Variants in SEC63 observed in about 807,000 individuals in gnomAD.
The protein encoded by SEC63 is translocation protein SEC63 homolog.
In SEC63, 56 loss-of-function variants were observed where a neutral mutation model predicts 116.2. That is an observed-to-expected ratio of 0.48 (90% CI 0.39 to 0.60). SEC63 has a LOEUF of 0.60. Among genes scored for constraint, SEC63 ranks in the 20% least tolerant of loss-of-function variants. The pLI, the probability that SEC63 is intolerant of heterozygous loss-of-function variation, is 0.00. For synonymous variants in SEC63, 273 were observed against 294.6 expected (o/e 0.93, Z 0.75); for missense variants, 668 against 900.0 (o/e 0.74, Z 3.30).
In SEC63 at chr6:107,871,392, C is replaced by G. The variant is rs1263447612; in HGVS notation, c.*312G>C. ...TGTGTTTCCTGCATCTTTACTTTTA[C>G]TGGGACCATAGACTGATCAGATAAT... On this transcript the variant is annotated 3_prime_UTR_variant, in exon 21 of 21. Coordinates refer to ENST00000369002, the MANE Select transcript of SEC63 (RefSeq NM_007214.5). The G allele has an allele frequency of 3.5e-6, 1 of 284,064 alleles. No homozygotes were observed. Among genetic ancestry groups the G allele is most frequent in the Non-Finnish European group, 6.8e-6 (1 of 147,738 alleles). 17.6% of individuals were successfully genotyped at this position (284,064 alleles called of 1,614,324 possible). A position where few individuals can be genotyped will look rare whatever the true frequency, so the allele number is the denominator to read the frequency against.
At chr6:107,886,845 GTT>G (rs34959288) in intron 16 of SEC63, among the ~76,000 whole-genome samples, 53 of 128,056 alleles carry the variant, frequency 4.1e-4, no homozygotes, top group Non-Finnish European at 5.9e-4. Flanking sequence ...GTTTTTTTGG[GTT>G]TTTTTTTTTT....
At chr6:107,942,318 G>C (rs776459183) in intron 1 of SEC63, among the ~76,000 whole-genome samples, 6 of 152,186 alleles carry the variant, frequency 3.9e-5, no homozygotes, top group Non-Finnish European at 8.8e-5. Context: ...TCAGCAGCCA[G>C]TATTAAAGCC....
At chr6:107,949,532 CAA>C (rs1007984614) in intron 1 of SEC63, among the ~76,000 whole-genome samples, 1 of 151,688 alleles carries the variant, frequency 6.6e-6, no homozygotes, top group African/African-American at 2.4e-5. Context: ...CATTTCACTA[CAA>C]AAAAAATCAG....
chr6:107,948,494 G>C (rs1413096859), intron 1 of SEC63, among the ~76,000 whole-genome samples: 4 of 152,188 alleles, frequency 2.6e-5, no homozygotes, highest in Non-Finnish European at 5.9e-5. Flanking sequence ...CAGCAACAGA[G>C]CTGAGTCTAG....
At chr6:107,948,898 T>TC (rs1267407145) in intron 1 of SEC63, among the ~76,000 whole-genome samples, 3 of 152,170 alleles carry the variant, frequency 2.0e-5, no homozygotes, top group African/African-American at 7.2e-5. Context: ...ATTCCTCTTC[T>TC]CCCCCTTCCC....
At chr6:107,913,461 A>T in intron 4 of SEC63, 34 bp from the exon 5 acceptor site, 1 of 1,518,838 alleles carries the variant, frequency 6.6e-7, no homozygotes, top group Non-Finnish European at 9.1e-7. Flanking sequence ...CAAAATTAGA[A>T]AGCCACATCT....
At position 107,876,667 on chromosome 6, in the gene SEC63, A is replaced by AAAT; in HGVS notation, c.1936-6_1936-5insATT. ...CCACCACCATTCTTGTTTTTCCTGG[A>AAAT]AACAAAAAAAAAAAAAAAAAAAGAA... is the stretch of plus-strand genomic sequence containing the variant. On this transcript the variant is annotated splice_region_variant and splice_polypyrimidine_tract_variant and intron_variant, in intron 18 of 20. Coordinates refer to ENST00000369002, the MANE Select transcript of SEC63 (RefSeq NM_007214.5). The AAAT allele has an allele frequency of 2.2e-6, 3 of 1,336,790 alleles. No individual in the cohort carries two copies. The highest frequency in any genetic ancestry group is 3.0e-6 in the Non-Finnish European group (3 of 993,910). The allele number at this position is 1,336,790 out of a possible 1,614,324, so 82.8% of individuals were successfully genotyped here.
chr6:107,909,076 A>C, intron 7 of SEC63, 41 bp from the exon 8 acceptor site: 1 of 1,376,530 alleles, frequency 7.3e-7, no homozygotes, highest in Admixed American at 1.7e-5. Flanking sequence ...AAAGTATAAA[A>C]ACTACGATAG....
rs548031219 is a variant in SEC63 at position 107,926,499 on chromosome 6, C to G, written c.225-1567G>C. Among the ~76,000 whole-genome samples, 3 of 152,274 alleles carry G rather than the reference C, an allele frequency of 2.0e-5. No individual in the cohort carries two copies. In the East Asian group the frequency reaches 5.8e-4, roughly 29 times the overall value. Reference sequence around the variant, plus strand: ...AAGCAATCCTCCCACCTCAGCCTCCCAAAGCACTGGAATTAAGGCATGAGC... The same window carrying G: ...AAGCAATCCTCCCACCTCAGCCTCCGAAAGCACTGGAATTAAGGCATGAGC... On this transcript the variant is annotated intron_variant, in intron 2 of 20. Transcript: ENST00000369002.
intron 16 of SEC63, among the ~76,000 whole-genome samples, chr6:107,885,621 G>C (rs1786509758): frequency 6.6e-6 from 1 of 152,162 alleles, no homozygotes; most frequent in East Asian, 1.9e-4. Context: ...AATTTCAGCA[G>C]CTTTTTGGGG....
chr6:107,917,251 T>A (rs1181370568), intron 4 of SEC63, among the ~76,000 whole-genome samples: 1 of 152,234 alleles, frequency 6.6e-6, no homozygotes, highest in Non-Finnish European at 1.5e-5. Flanking sequence ...TAATTTAGTA[T>A]CTATAGAAAC....
rs1437664274 is a variant in SEC63 at position 107,868,166 on chromosome 6, GTCTAAATAGAGGATT to G, written c.*3523_*3537del. 6.6e-6 allele frequency: 1 copy of G among 151,802 alleles called. No homozygotes were observed. Among genetic ancestry groups the G allele is most frequent in the African/African-American group, 2.4e-5 (1 of 41,280 alleles). The allele number at this position is 151,802 out of a possible 1,614,324, so 9.4% of individuals were successfully genotyped here. A position where few individuals can be genotyped will look rare whatever the true frequency, so the allele number is the denominator to read the frequency against. On this transcript the variant is annotated 3_prime_UTR_variant, in exon 21 of 21. Transcript: ENST00000369002. ...CCAACAGTTATTTCACTTTAAGGCAGTCTAAATAGAGGATTTCATGGAGTTAAATCAGACCGTTTG... is the reference window on the plus strand; with the variant it reads ...CCAACAGTTATTTCACTTTAAGGCAGTCATGGAGTTAAATCAGACCGTTTG...
At chr6:107,953,016 T>C (rs1770611717) in intron 1 of SEC63, among the ~76,000 whole-genome samples, 2 of 152,132 alleles carry the variant, frequency 1.3e-5, no homozygotes, top group Admixed American at 1.3e-4. Flanking sequence ...TCCCAGGACT[T>C]TGGGACGCCG....
intron 7 of SEC63, among the ~76,000 whole-genome samples, chr6:107,911,006 C>G (rs555881644): frequency 6.6e-6 from 1 of 152,034 alleles, no homozygotes; most frequent in Non-Finnish European, 1.5e-5. Flanking sequence ...CCACCATGCC[C>G]GGTCAGTTGT....
At chr6:107,951,621 C>T (rs1278952608) in intron 1 of SEC63, among the ~76,000 whole-genome samples, 1 of 152,066 alleles carries the variant, frequency 6.6e-6, no homozygotes, top group African/African-American at 2.4e-5. Context: ...TAAAAAATAC[C>T]AGTACATAAC....
chr6:107,881,248 C>T lies in SEC63; in HGVS notation c.1836G>A (p.Glu612=), dbSNP rs369822587. ...DEKQNKDDEA[E]WQELQQSIQR... is the part of the protein sequence containing the mutation. ...GTATGCTTTGTTGTAATTCTTGCCA[C>T]TCCTAGTAAACAAAAAAATTAAAAT... Residue 612 remains glutamate (E), a splice_region_variant and synonymous_variant, in exon 18 of 21, where the codon GAG becomes GAA. Coordinates refer to ENST00000369002, the MANE Select transcript of SEC63 (RefSeq NM_007214.5). 3 of 1,604,914 alleles carry T rather than the reference C, an allele frequency of 1.9e-6. No individual in the cohort carries two copies. Among genetic ancestry groups the T allele is most frequent in the Non-Finnish European group, 2.6e-6 (3 of 1,172,834 alleles).
At chr6:107,937,123 AT>A (rs3062082) in intron 1 of SEC63, among the ~76,000 whole-genome samples, 66 of 129,878 alleles carry the variant, frequency 5.1e-4, no homozygotes, top group Non-Finnish European at 5.5e-4. Context: ...TATGTACCAC[AT>A]TTTTTTTTTT....
At chr6:107,884,613 C>T (rs1028467105) in intron 16 of SEC63, among the ~76,000 whole-genome samples, 7 of 152,084 alleles carry the variant, frequency 4.6e-5, no homozygotes, top group African/African-American at 1.7e-4. Context: ...CTGGAGAATT[C>T]TTCCAGAGAC....
At chr6:107,910,660 C>T (rs1359031607) in intron 7 of SEC63, among the ~76,000 whole-genome samples, 3 of 152,060 alleles carry the variant, frequency 2.0e-5, no homozygotes, top group African/African-American at 7.2e-5. Flanking sequence ...CATTTATACA[C>T]ATCTGTCATG....
Sources: gnomAD v4.1 joint callset for allele counts (sites outside exome capture counted in the v4.1 genomes callset) on GRCh38, gnomAD v4.1.1 for gene constraint, MANE v1.5 for transcripts, NCBI Gene and HGNC (gene_info 2026-07-23, HGNC 2026-07-21) for gene names.